The following USP32 variants were observed in gnomAD, a reference collection of about 807,000 sequenced individuals.
The protein encoded by USP32 is ubiquitin carboxyl-terminal hydrolase 32.
USP32 carries 59 observed loss-of-function variants against 204.8 expected under a neutral mutation model. That is an observed-to-expected ratio of 0.29 (90% confidence interval 0.23 to 0.36). The LOEUF is 0.36. Among genes scored for constraint, USP32 ranks in the 10% least tolerant of loss-of-function variants. The pLI is 1.00. For synonymous variants in USP32, 517 were observed against 678.4 expected (o/e 0.76, Z 3.70); for missense variants, 1,160 against 1,946.4 (o/e 0.60, Z 7.60).
At chr17:60,265,278 T>C (rs1211892625) in intron 9 of USP32, 134 bp downstream of exon 9, 1 of 525,112 alleles carries the variant, frequency 1.9e-6, no homozygotes, top group African/African-American at 2.0e-5. Flanking sequence ...CTTGGAGGTG[T>C]TTTACCCACA....
intron 1 of USP32, among the ~76,000 whole-genome samples, chr17:60,387,809 T>TG (rs1282283596): frequency 6.6e-6 from 1 of 152,220 alleles, no homozygotes; most frequent in African/African-American, 2.4e-5. Context: ...AGCATACTGT[T>TG]GGACAAAATA....
intron 12 of USP32, among the ~76,000 whole-genome samples, chr17:60,230,946 A>T (rs575965714): frequency 3.3e-5 from 5 of 152,182 alleles, no homozygotes; most frequent in Non-Finnish European, 4.4e-5. Context: ...TCAAAGGATC[A>T]TGTTTTGTTT....
intron 1 of USP32, among the ~76,000 whole-genome samples, chr17:60,417,071 C>T (rs545495655): frequency 1.3e-5 from 2 of 151,980 alleles, no homozygotes; most frequent in East Asian, 1.9e-4. Context: ...GTATGCACCA[C>T]CACACCCAGT....
At chr17:60,276,946 C>CATATATAT (rs35211470) in intron 5 of USP32, among the ~76,000 whole-genome samples, 3,383 of 140,684 alleles carry the variant, frequency 0.024, 158 homozygotes, top group African/African-American at 0.088. Context: ...ATTACATATA[C>CATATATAT]ATATATATAT....
intron 3 of USP32, among the ~76,000 whole-genome samples, chr17:60,295,974 G>A (rs1178214311): frequency 1.3e-5 from 2 of 151,970 alleles, no homozygotes; most frequent in Non-Finnish European, 2.9e-5. Flanking sequence ...AGTTGACAAT[G>A]TTTAAGGACA....
chr17:60,352,712 A>G (rs2088977553), intron 1 of USP32, among the ~76,000 whole-genome samples: 1 of 152,226 alleles, frequency 6.6e-6, no homozygotes, highest in South Asian at 2.1e-4. Flanking sequence ...TTGAGCGGTT[A>G]CTGCATTTGT....
At chr17:60,320,952 CT>C (rs1488677715) in intron 2 of USP32, among the ~76,000 whole-genome samples, 1 of 152,026 alleles carries the variant, frequency 6.6e-6, no homozygotes, top group East Asian at 1.9e-4. Flanking sequence ...ATTCTCATTG[CT>C]TTTTTTCCCC....
At chr17:60,273,169 C>T (rs568760549) in intron 5 of USP32, among the ~76,000 whole-genome samples, 14 of 152,182 alleles carry the variant, frequency 9.2e-5, no homozygotes, top group Admixed American at 6.5e-4. Context: ...GATGGAGTTT[C>T]GCCGTATCAC....
chr17:60,250,785 C>CA (rs1401937998), intron 11 of USP32, among the ~76,000 whole-genome samples: 1 of 151,642 alleles, frequency 6.6e-6, no homozygotes, highest in African/African-American at 2.4e-5. Context: ...GACCCCATCT[C>CA]AAAAGAAAAA....
chr17:60,245,699 A>T (rs1182966977), intron 11 of USP32: 1 of 175,000 alleles, frequency 5.7e-6, no homozygotes, highest in African/African-American at 2.4e-5. Context: ...CAAGGAAGAG[A>T]GCCTCTTTAT....
At chr17:60,271,711 C>G (rs890766718) in intron 5 of USP32, among the ~76,000 whole-genome samples, 5 of 151,994 alleles carry the variant, frequency 3.3e-5, no homozygotes. Context: ...ATCTACAATT[C>G]CCCATTTAAG....
chr17:60,248,292 C>T (rs939561261), intron 11 of USP32, among the ~76,000 whole-genome samples: 8 of 152,170 alleles, frequency 5.3e-5, no homozygotes, highest in Admixed American at 5.2e-4. Flanking sequence ...TTGTGGCTTT[C>T]AACTTCTTCC....
At chr17:60,221,609 C>T (rs900965168) in intron 15 of USP32, among the ~76,000 whole-genome samples, 1 of 151,526 alleles carries the variant, frequency 6.6e-6, no homozygotes, top group African/African-American at 2.4e-5. Flanking sequence ...TGGGCTCAGA[C>T]AATTCTCCTG....
rs538142646 is a variant in USP32, at chr17:60,234,935, G to T, written c.1239+1203C>A. Among the ~76,000 whole-genome samples, 329 of 152,196 alleles carry T rather than the reference G, an allele frequency of 2.2e-3. 4 individuals carry two copies. Among genetic ancestry groups the T allele is most frequent in the African/African-American group, 7.5e-3 (310 of 41,508 alleles). On this transcript the variant is annotated intron_variant, in intron 12 of 33. Coordinates refer to ENST00000300896, the MANE Select transcript of USP32 (RefSeq NM_032582.4). ...TGCTAGAAAATAATATCAAATGCCA[G>T]AGTGGAGAAGGGAATATGTAGATTC...
intron 5 of USP32, among the ~76,000 whole-genome samples, chr17:60,280,859 A>T (rs1469896235): frequency 6.6e-6 from 1 of 152,258 alleles, no homozygotes; most frequent in Non-Finnish European, 1.5e-5. Flanking sequence ...AATATAAATC[A>T]TAGTCATCAA....
chr17:60,254,806 TTTTA>T (rs1408418447), intron 10 of USP32, among the ~76,000 whole-genome samples: 6 of 152,276 alleles, frequency 3.9e-5, no homozygotes, highest in Middle Eastern at 3.4e-3. Context: ...TAGGAAGGCC[TTTTA>T]TTTATTTATT....
intron 25 of USP32, among the ~76,000 whole-genome samples, chr17:60,206,118 T>C (rs1306658174): frequency 1.3e-5 from 2 of 150,120 alleles, no homozygotes; most frequent in Non-Finnish European, 1.5e-5. Context: ...CAGGAGCTAG[T>C]GACCAGCCTA....
intron 1 of USP32, among the ~76,000 whole-genome samples, chr17:60,384,823 C>A (rs1359155997): frequency 1.3e-5 from 2 of 151,880 alleles, no homozygotes; most frequent in African/African-American, 4.8e-5. Context: ...AAATAAAGAG[C>A]CTGGCTGGGC....
At chr17:60,338,281 C>T (rs182174803) in intron 2 of USP32, among the ~76,000 whole-genome samples, 171 of 147,252 alleles carry the variant, frequency 1.2e-3, no homozygotes, top group African/African-American at 3.9e-3. Context: ...GCCAAGATTG[C>T]GCCACTGCAC....
Sources: allele counts gnomAD v4.1 joint callset (sites outside exome capture counted in the v4.1 genomes callset), GRCh38; gene constraint gnomAD v4.1.1; transcripts MANE v1.5; gene names NCBI Gene and HGNC (gene_info 2026-07-23, HGNC 2026-07-21).